Variants in ATP13A4 observed in about 807,000 individuals in gnomAD.
ATP13A4 encodes the protein probable cation-transporting ATPase 13A4.
A neutral mutation model predicts 142.5 loss-of-function variants in ATP13A4; 114 were observed. The ratio of observed to expected loss-of-function variants is 0.80; its 90% confidence interval spans 0.69 to 0.93. ATP13A4 has a LOEUF of 0.93. Among genes scored for constraint, ATP13A4 ranks in the 40% least tolerant of loss-of-function variants. The pLI is 0.00. For synonymous variants in ATP13A4, 488 were observed against 514.8 expected (o/e 0.95, Z 0.70); for missense variants, 1,392 against 1,454.0 (o/e 0.96, Z 0.69).
At chr3:193,499,610 A>G (rs905157409) in intron 3 of ATP13A4, among the ~76,000 whole-genome samples, 1 of 152,230 alleles carries the variant, frequency 6.6e-6, no homozygotes, top group Non-Finnish European at 1.5e-5. Context: ...CTCTCAAAGG[A>G]TATCATATTC....
Position 193,459,176 on chromosome 3 carries a change from A to C in ATP13A4, c.1579T>G (p.Cys527Gly), listed in dbSNP as rs1268548136. Residue 527 changes from cysteine to glycine, a missense_variant, in exon 14 of 30, where the codon TGT (cysteine) becomes GGT (glycine). Physicochemically the swap from Cys to Gly is radical, Grantham distance 159 (BLOSUM62 -3). Coordinates refer to ENST00000342695, the MANE Select transcript of ATP13A4 (RefSeq NM_032279.4). Reference protein sequence around the residue: ...SGQALPWGPLCAAMASCHSLI... With the variant: ...SGQALPWGPLGAAMASCHSLI... ...GAGTGGCAGCTGGCCATCGCTGCACACAGTGGGCCCCATGGCAAAGCCTGG... is the reference window on the plus strand; with the variant it reads ...GAGTGGCAGCTGGCCATCGCTGCACCCAGTGGGCCCCATGGCAAAGCCTGG... The C allele has an allele frequency of 6.2e-7, 1 of 1,614,246 alleles. No individual in the cohort carries two copies. The highest frequency in any genetic ancestry group is 1.7e-5 in the Admixed American group (1 of 60,034).
intron 1 of ATP13A4, among the ~76,000 whole-genome samples, chr3:193,518,920 A>G (rs964510607): frequency 6.6e-5 from 10 of 152,074 alleles, no homozygotes; most frequent in African/African-American, 2.4e-4. Context: ...CAACCAAGGG[A>G]GAGTTTGTCT....
Position 193,427,998 on chromosome 3 carries a change from C to T in ATP13A4, c.2842+5847G>A, listed in dbSNP as rs559107079. The stretch of plus-strand genomic sequence containing the variant: ...CAAAAGAAACTACCATTAGAGTGAA[C>T]AGGCAACCTATACAATGGGAGAAAA... On this transcript the variant is annotated intron_variant, in intron 25 of 29. Transcript: ENST00000342695. 1.1e-3 allele frequency among the ~76,000 whole-genome samples: 164 copies of T among 152,264 alleles called. 2 individuals carry two copies. Among genetic ancestry groups the T allele is most frequent in the African/African-American group, 3.7e-3 (155 of 41,570 alleles).
chr3:193,541,382 TTATC>T (rs1401443113), intron 1 of ATP13A4, among the ~76,000 whole-genome samples: 18 of 118,182 alleles, frequency 1.5e-4, no homozygotes, highest in African/African-American at 4.6e-4. Flanking sequence ...CGATCACAGA[TTATC>T]TATCTGTGAT....
At chr3:193,410,914 A>G in intron 28 of ATP13A4, 68 bp downstream of exon 28, 2 of 1,016,096 alleles carry the variant, frequency 2.0e-6, no homozygotes, top group East Asian at 4.8e-5. Context: ...TGAAATTGTG[A>G]TCTGCTTTTT....
chr3:193,554,623 T>G lies in ATP13A4; in HGVS notation c.60+117A>C, dbSNP rs1045538432. 5.1e-6 allele frequency: 7 copies of G among 1,361,876 alleles called. No individual in the cohort carries two copies. In the African/African-American group the frequency reaches 8.7e-5, roughly 17 times the overall value. 84.4% of individuals were successfully genotyped at this position (1,361,876 alleles called of 1,614,324 possible). A position where few individuals can be genotyped will look rare whatever the true frequency, so the allele number is the denominator to read the frequency against. ...TCTCGTGTAATACCAGAGTGAAATT[T>G]TAGAAAAGTCTGTGTGTGTGTGATG... On this transcript the variant is annotated intron_variant, in intron 1 of 29. Transcript: ENST00000342695.
chr3:193,575,893 A>G (rs1260236536), intron 2 of ATP13A4, among the ~76,000 whole-genome samples: 1 of 152,182 alleles, frequency 6.6e-6, no homozygotes, highest in East Asian at 1.9e-4. Flanking sequence ...GTGATTTTCA[A>G]CCAGAAGTGA....
intron 1 of ATP13A4, among the ~76,000 whole-genome samples, chr3:193,541,163 G>T (rs1722887322): frequency 6.7e-6 from 1 of 150,364 alleles, no homozygotes; most frequent in Non-Finnish European, 1.5e-5. Context: ...GCAGGAGAAT[G>T]GCGTGAACCC....
intron 25 of ATP13A4, among the ~76,000 whole-genome samples, chr3:193,419,232 T>C (rs1235585367): frequency 6.7e-6 from 1 of 149,462 alleles, no homozygotes; most frequent in Middle Eastern, 3.2e-3. Context: ...CTGCCTCTGG[T>C]AATGCAGTGG....
At chr3:193,560,493 C>T (rs1322704302) in intron 2 of ATP13A4, among the ~76,000 whole-genome samples, 1 of 152,172 alleles carries the variant, frequency 6.6e-6, no homozygotes, top group Non-Finnish European at 1.5e-5. Context: ...CAGGTGTCAG[C>T]CACCATGCCC....
intron 1 of ATP13A4, among the ~76,000 whole-genome samples, chr3:193,550,386 A>G (rs1273206719): frequency 6.8e-6 from 1 of 147,904 alleles, no homozygotes; most frequent in African/African-American, 2.5e-5. Context: ...AGCTCACTGC[A>G]GCCTCAACCT....
intron 5 of ATP13A4, among the ~76,000 whole-genome samples, chr3:193,491,679 T>C (rs528289780): frequency 9.2e-5 from 14 of 152,154 alleles, no homozygotes; most frequent in Non-Finnish European, 1.8e-4. Flanking sequence ...TATTAAATAT[T>C]GTCTCATTCA....
rs975397560 is a variant in ATP13A4, at chr3:193,412,029, G to C, written c.3208+149C>G. ...AAGAGCAAAGAACCGTGAAAATGAG[G>C]CTGTACGATGTGTTTTGCAGAGTCC... On this transcript the variant is annotated intron_variant, in intron 27 of 29. Coordinates refer to ENST00000342695, the MANE Select transcript of ATP13A4 (RefSeq NM_032279.4). The C allele has an allele frequency of 5.9e-5, 41 of 700,178 alleles. No homozygotes were observed. The African/African-American group carries it at 6.0e-4, about 10-fold the overall frequency. 43.4% of individuals were successfully genotyped at this position (700,178 alleles called of 1,614,324 possible).
intron 8 of ATP13A4, among the ~76,000 whole-genome samples, chr3:193,474,292 C>A (rs75779485): frequency 7.6e-5 from 10 of 132,234 alleles, no homozygotes; most frequent in African/African-American, 1.7e-4. Flanking sequence ...GCACTGCACT[C>A]CAGCCTGGTG....
chr3:193,503,994 C>CGTGTGTGTGTGTGTGTGTGT (rs1491532980), intron 2 of ATP13A4, among the ~76,000 whole-genome samples: 1 of 108,132 alleles, frequency 9.2e-6, no homozygotes, highest in African/African-American at 3.7e-5. Context: ...GTTCTGTGTG[C>CGTGTGTGTGTGTGTGTGTGT]ATGTGTGTGT....
upstream of ATP13A4, among the ~76,000 whole-genome samples, chr3:193,556,482 CGT>C (rs963598450): frequency 9.6e-5 from 14 of 145,730 alleles, no homozygotes; most frequent in African/African-American, 3.0e-4. Flanking sequence ...TATATATGTA[CGT>C]GTGTGTGTAT....
rs762697306 is a variant in ATP13A4 at position 193,439,116 on chromosome 3, T to C, written c.2520-51A>G. 18 of 1,517,288 alleles carry C rather than the reference T, an allele frequency of 1.2e-5. No individual in the cohort carries two copies. In the African/African-American group the frequency reaches 2.5e-4, roughly 21 times the overall value. 94.0% of individuals were successfully genotyped at this position (1,517,288 alleles called of 1,614,324 possible). A position where few individuals can be genotyped will look rare whatever the true frequency, so the allele number is the denominator to read the frequency against. Reference sequence around the variant, plus strand: ...GATGAGATCAAACCTATCTTGCTAATTTCTCTAATTAAAAAAACAAAGTAA... The same window carrying C: ...GATGAGATCAAACCTATCTTGCTAACTTCTCTAATTAAAAAAACAAAGTAA... On this transcript the variant is annotated intron_variant, in intron 21 of 29. Transcript: ENST00000342695.
chr3:193,554,327 C>A, intron 1 of ATP13A4: 1 of 259,578 alleles, frequency 3.9e-6, no homozygotes, highest in South Asian at 4.7e-5. Context: ...TGCACTTCTG[C>A]TTCACTGCTG....
At chr3:193,456,917 T>C (rs539473184) in intron 16 of ATP13A4, 83 bp downstream of exon 16, 8 of 1,513,498 alleles carry the variant, frequency 5.3e-6, no homozygotes, top group South Asian at 3.6e-5. Context: ...CATAGGCGAT[T>C]GAATTAATAG....
Sources: gnomAD v4.1 joint callset for allele counts (sites outside exome capture counted in the v4.1 genomes callset) on GRCh38, gnomAD v4.1.1 for gene constraint, MANE v1.5 for transcripts, NCBI Gene and HGNC (gene_info 2026-07-23, HGNC 2026-07-21) for gene names.